WDPCP: variants seen among roughly 807,000 people sequenced by gnomAD.
WDPCP encodes the protein WD repeat-containing and planar cell polarity effector protein fritz homolog.
WDPCP carries 71 observed loss-of-function variants against 93.1 expected under a neutral mutation model. That is an observed-to-expected ratio of 0.76 (90% confidence interval 0.63 to 0.93). The LOEUF (loss-of-function observed/expected upper bound fraction) is 0.93, where lower values mean the gene tolerates loss of function less well. WDPCP is among the 40% of genes least tolerant of loss of function. WDPCP has a pLI of 0.00. For synonymous variants in WDPCP, 315 were observed against 315.0 expected, an observed-to-expected ratio of 1.00 and a Z score of 0.00; for missense variants, 844 against 887.4, an observed-to-expected ratio of 0.95 and a Z score of 0.62.
At chr2:63,540,187 G>A (rs934000739) in intron 1 of WDPCP, among the ~76,000 whole-genome samples, 1 of 152,156 alleles carries the variant, frequency 6.6e-6, no homozygotes, top group Middle Eastern at 3.4e-3. Context: ...ATAAACAATA[G>A]ACAAATATTT....
intron 2 of WDPCP, among the ~76,000 whole-genome samples, chr2:63,721,728 C>T (rs1483776963): frequency 6.7e-6 from 1 of 148,374 alleles, no homozygotes; most frequent in Non-Finnish European, 1.5e-5. Context: ...CTCCTCCTCC[C>T]CCTCTCCCTC....
At chr2:63,376,491 GA>G in intron 12 of WDPCP, among the ~76,000 whole-genome samples, 1 of 151,934 alleles carries the variant, frequency 6.6e-6, no homozygotes, top group East Asian at 1.9e-4. Flanking sequence ...ATGCTTATGT[GA>G]AAACTAAATC....
intron 15 of WDPCP, among the ~76,000 whole-genome samples, chr2:63,165,849 T>A (rs993751653): frequency 3.3e-5 from 5 of 151,948 alleles, no homozygotes; most frequent in South Asian, 2.1e-4. Flanking sequence ...TTTTGTTTTC[T>A]CTCCTTTTTT....
intron 1 of WDPCP, among the ~76,000 whole-genome samples, chr2:63,819,820 ACT>A (rs1351550419): frequency 1.3e-5 from 2 of 152,062 alleles, no homozygotes; most frequent in African/African-American, 2.4e-5. Context: ...CAAGAGAGTG[ACT>A]CTATCTACCT....
intron 3 of WDPCP, among the ~76,000 whole-genome samples, chr2:63,611,348 G>A (rs1709612469): frequency 6.6e-6 from 1 of 151,978 alleles, no homozygotes; most frequent in Admixed American, 6.6e-5. Context: ...TTTTAATACT[G>A]TTGAATCTAG....
chr2:63,697,225 T>C (rs1668973482), intron 2 of WDPCP, among the ~76,000 whole-genome samples: 1 of 152,190 alleles, frequency 6.6e-6, no homozygotes, highest in African/African-American at 2.4e-5. Context: ...TTGGCAAATG[T>C]TGACTCACTT....
chr2:63,695,725 G>C (rs1248426847), intron 2 of WDPCP, among the ~76,000 whole-genome samples: 1 of 152,042 alleles, frequency 6.6e-6, no homozygotes, highest in South Asian at 2.1e-4. Context: ...CATGTAACCA[G>C]CACCCAGGTC....
At chr2:63,298,599 G>C (rs1685062587) in intron 13 of WDPCP, among the ~76,000 whole-genome samples, 1 of 152,050 alleles carries the variant, frequency 6.6e-6, no homozygotes, top group African/African-American at 2.4e-5. Context: ...TTGGACTCTT[G>C]GACTTACATC....
At chr2:63,127,083 A>T (rs565766247) in intron 17 of WDPCP, among the ~76,000 whole-genome samples, 3 of 151,636 alleles carry the variant, frequency 2.0e-5, no homozygotes, top group Admixed American at 6.6e-5. Flanking sequence ...AAGTAAATAG[A>T]TCATAAATGC....
chr2:63,830,883 C>G (rs1156325120), upstream of WDPCP, among the ~76,000 whole-genome samples: 3 of 152,136 alleles, frequency 2.0e-5, no homozygotes, highest in Non-Finnish European at 4.4e-5. Context: ...TATATGTTGA[C>G]AATTCCTAAA....
chr2:63,500,278 A>G (rs1454592009), intron 1 of WDPCP, among the ~76,000 whole-genome samples: 1 of 152,242 alleles, frequency 6.6e-6, no homozygotes, highest in African/African-American at 2.4e-5. Flanking sequence ...GGCCTGGACT[A>G]CATAAAAACT....
chr2:63,590,520 C>G (rs181568921), upstream of WDPCP: 1 of 152,170 alleles, frequency 6.6e-6, no homozygotes, highest in Non-Finnish European at 1.5e-5. Context: ...CATATACAAA[C>G]TCAAATATGT....
upstream of WDPCP, chr2:63,590,435 G>C (rs1415041870): frequency 6.6e-6 from 1 of 152,126 alleles, no homozygotes; most frequent in African/African-American, 2.4e-5. Flanking sequence ...CAGCGGGGGA[G>C]AGACAGTGTA....
chr2:63,514,944 A>G (rs1210691812), intron 1 of WDPCP, among the ~76,000 whole-genome samples: 1 of 152,126 alleles, frequency 6.6e-6, no homozygotes, highest in East Asian at 1.9e-4. Context: ...CAGGGCTGCA[A>G]ATAACACAGC....
chr2:63,806,745 G>A (rs946112535), intron 2 of WDPCP, among the ~76,000 whole-genome samples: 16 of 152,232 alleles, frequency 1.1e-4, no homozygotes, highest in East Asian at 7.7e-4. Context: ...AAAAGAGTTC[G>A]GCGATATTTC....
chr2:63,266,453 A>G (rs946606890), intron 13 of WDPCP, among the ~76,000 whole-genome samples: 3 of 152,238 alleles, frequency 2.0e-5, no homozygotes, highest in Non-Finnish European at 2.9e-5. Flanking sequence ...AACAGATGAA[A>G]AACCTATACA....
chr2:63,404,058 C>A lies in WDPCP; in HGVS notation c.1425G>T (p.Leu475Phe). 6.2e-7 allele frequency: 1 copy of A among 1,614,054 alleles called. No homozygotes were observed. Among genetic ancestry groups the A allele is most frequent in the South Asian group, 1.1e-5 (1 of 91,080 alleles). ...CTTTCCTTGACTTACCTAGTTTAAA[C>A]AACAGCACACCCAAAGGTCCTCTTT... is the stretch of plus-strand genomic sequence containing the variant. ...RFERGPLGVL[L>F]FKLGVFTRGQ... is the part of the protein sequence containing the mutation. Residue 475 changes from leucine to phenylalanine, a missense_variant, in exon 10 of 18, where the codon TTG (leucine) becomes TTT (phenylalanine). Transcript: ENST00000272321.
chr2:63,752,224 A>G, intron 2 of WDPCP: 1 of 716,392 alleles, frequency 1.4e-6, no homozygotes, highest in Non-Finnish European at 2.5e-6. Context: ...TGCCTCAATC[A>G]GTCATAATTT....
At position 63,588,352 on chromosome 2, in the gene WDPCP, T is replaced by A; in HGVS notation, c.-81A>T. The A allele has an allele frequency of 6.6e-7, 1 of 1,511,468 alleles. No individual in the cohort carries two copies. Among genetic ancestry groups the A allele is most frequent in the Non-Finnish European group, 9.0e-7 (1 of 1,110,850 alleles). The allele number at this position is 1,511,468 out of a possible 1,614,324, so 93.6% of individuals were successfully genotyped here. On this transcript the variant is annotated 5_prime_UTR_variant, in exon 1 of 18. Transcript: ENST00000272321. ...GGAGCGACACGCTCGCTTGGTCTCT[T>A]GGGTCTCCAGGACGCCGCCGCCGCC...
Sources: gnomAD v4.1 joint callset for allele counts (sites outside exome capture counted in the v4.1 genomes callset) on GRCh38, gnomAD v4.1.1 for gene constraint, MANE v1.5 for transcripts, NCBI Gene and HGNC (gene_info 2026-07-23, HGNC 2026-07-21) for gene names.